NAV2: variants seen among roughly 807,000 people sequenced by gnomAD.
The protein encoded by NAV2 is helicase, APC down-regulated 1.
Under a neutral mutation model 223.2 loss-of-function variants are expected in NAV2, and 54 were observed. The ratio of observed to expected loss-of-function variants is 0.24; its 90% CI spans 0.19 to 0.30. The LOEUF is 0.30. Among genes scored for constraint, NAV2 ranks in the 10% least tolerant of loss-of-function variants. NAV2 has a pLI of 1.00. For synonymous variants in NAV2, 1,279 were observed against 1,239.3 expected, an observed-to-expected ratio of 1.03 and a Z score of -0.67; for missense variants, 2,806 against 3,147.5, an observed-to-expected ratio of 0.89 and a Z score of 2.60.
At chr11:19,714,329 G>A in intron 1 of NAV2, 1 of 506,412 alleles carries the variant, frequency 2.0e-6, no homozygotes, top group South Asian at 1.5e-5. Context: ...AGCAGCAGCT[G>A]TGTGTCTGTC....
chr11:20,046,554 G>A (rs1033246749), intron 14 of NAV2, among the ~76,000 whole-genome samples: 8 of 149,922 alleles, frequency 5.3e-5, no homozygotes, highest in Admixed American at 1.3e-4. Context: ...ACGCTACTCC[G>A]GAATTCCAAG....
intron 1 of NAV2, among the ~76,000 whole-genome samples, chr11:19,427,009 A>G (rs1850857637): frequency 1.3e-5 from 2 of 152,022 alleles, no homozygotes; most frequent in Non-Finnish European, 2.9e-5. Flanking sequence ...AATCCCTGGC[A>G]TGGCACCCTG....
At chr11:19,742,001 C>T (rs942626873) in intron 1 of NAV2, among the ~76,000 whole-genome samples, 3 of 114,674 alleles carry the variant, frequency 2.6e-5, no homozygotes, top group African/African-American at 8.0e-5. Context: ...TCCTTGCCAA[C>T]ACTTGTTATC....
chr11:19,601,425 G>A lies in NAV2; in HGVS notation c.76-231059G>A, dbSNP rs1202084180. ...CTGGACTCAGAGCAGCCCTCTACTT[G>A]GTCCTTTTTGGATGGTGCTCTTGGG... On this transcript the variant is annotated intron_variant, in intron 1 of 37. Transcript: ENST00000360655. Among the ~76,000 whole-genome samples, 4 of 152,090 alleles carry A rather than the reference G, an allele frequency of 2.6e-5. No homozygotes were observed. The East Asian group carries it at 7.7e-4, about 29-fold the overall frequency.
intron 1 of NAV2, among the ~76,000 whole-genome samples, chr11:19,427,785 TA>T (rs1356660628): frequency 6.6e-6 from 1 of 152,212 alleles, no homozygotes; most frequent in East Asian, 1.9e-4. Context: ...ATATCTTCCG[TA>T]CTCAAAAGCC....
chr11:19,887,239 A>T (rs865948373), intron 5 of NAV2, among the ~76,000 whole-genome samples: 2 of 152,110 alleles, frequency 1.3e-5, no homozygotes, highest in African/African-American at 4.8e-5. Context: ...TCACCCTTGA[A>T]TCTGGATGTG....
At chr11:19,977,871 C>T (rs1019897301) in intron 10 of NAV2, among the ~76,000 whole-genome samples, 30 of 142,460 alleles carry the variant, frequency 2.1e-4, no homozygotes, top group Non-Finnish European at 3.6e-4. Context: ...ATGGCACAGT[C>T]TCGGCTCACT....
chr11:19,790,215 A>G (rs759882204), intron 1 of NAV2, among the ~76,000 whole-genome samples: 3 of 152,134 alleles, frequency 2.0e-5, no homozygotes, highest in Non-Finnish European at 4.4e-5. Flanking sequence ...CATGGATTTC[A>G]TGGTCTTCCT....
chr11:19,487,773 T>C (rs1477919388), intron 1 of NAV2, among the ~76,000 whole-genome samples: 1 of 152,148 alleles, frequency 6.6e-6, no homozygotes, highest in Non-Finnish European at 1.5e-5. Context: ...ATGCATCCAC[T>C]TATAATCTCC....
Position 20,107,679 on chromosome 11 carries a change from T to A in NAV2, c.6857T>A (p.Leu2286Gln). 6.2e-7 allele frequency: 1 copy of A among 1,614,084 alleles called. No homozygotes were observed. The highest frequency in any genetic ancestry group is 1.3e-5 in the African/African-American group (1 of 75,046). The change falls in exon 36 of 38, where the codon CTG becomes CAG. Residue 2286 changes from leucine to glutamine, a missense_variant. Leu to Gln is a moderately radical substitution (Grantham distance 113). Around this residue, in one of 4 missense-constraint regions of NAV2, gnomAD observed 824 missense variants for 1,069.4 expected, o/e 0.77. Transcript: ENST00000349880. ...SDVTIGPRLF[L>Q]SCPIDVDGSR... The stretch of plus-strand genomic sequence containing the variant: ...TGGTCTCCAGGCCCCCGGCTCTTCC[T>A]GTCATGCCCCATCGATGTGGACGGC...
chr11:19,575,665 C>T (rs1312924131), intron 1 of NAV2, among the ~76,000 whole-genome samples: 2 of 152,228 alleles, frequency 1.3e-5, no homozygotes, highest in African/African-American at 4.8e-5. Context: ...TTTCTCTTTG[C>T]ACATAAGCCC....
intron 1 of NAV2, among the ~76,000 whole-genome samples, chr11:19,486,483 G>A (rs905700064): frequency 6.6e-6 from 1 of 152,080 alleles, no homozygotes; most frequent in East Asian, 1.9e-4. Flanking sequence ...TCACGGGGGC[G>A]GTTACTCTCA....
At chr11:19,705,726 C>A (rs2049642961) in intron 1 of NAV2, among the ~76,000 whole-genome samples, 2 of 152,060 alleles carry the variant, frequency 1.3e-5, no homozygotes, top group African/African-American at 4.8e-5. Flanking sequence ...AAAATCAAGT[C>A]ACTCCAAGTA....
At chr11:19,671,513 G>A (rs1028978251) in intron 1 of NAV2, among the ~76,000 whole-genome samples, 5 of 152,214 alleles carry the variant, frequency 3.3e-5, no homozygotes, top group East Asian at 1.9e-4. Context: ...CCTGTTTCTC[G>A]TGGTTCCTGT....
At chr11:19,421,764 C>CTTATT (rs1850621401) in intron 1 of NAV2, among the ~76,000 whole-genome samples, 1 of 84,542 alleles carries the variant, frequency 1.2e-5, no homozygotes, top group Non-Finnish European at 2.0e-5. Context: ...AAGAGAGAGG[C>CTTATT]TTTTTTTTTT....
At chr11:19,386,041 G>A (rs1849031606) in intron 1 of NAV2, among the ~76,000 whole-genome samples, 1 of 152,158 alleles carries the variant, frequency 6.6e-6, no homozygotes, top group South Asian at 2.1e-4. Context: ...TGGGATTACA[G>A]GCGTGAGCCA....
intron 1 of NAV2, among the ~76,000 whole-genome samples, chr11:19,609,801 TGAGAGGAAGGTAGAAA>T (rs2046585654): frequency 6.6e-6 from 1 of 152,226 alleles, no homozygotes; most frequent in African/African-American, 2.4e-5. Flanking sequence ...ACTCAAAGCT[TGAGAGGAAGGTAGAAA>T]GAGTTGCTCA....
intron 6 of NAV2, among the ~76,000 whole-genome samples, chr11:19,894,911 G>A (rs1366825145): frequency 2.0e-5 from 3 of 151,752 alleles, no homozygotes; most frequent in African/African-American, 4.8e-5. Context: ...TATATTTTTA[G>A]TAGAGACGGG....
chr11:19,395,371 CAGAGTGCTTGGGATGT>C (rs1849408201), intron 1 of NAV2, among the ~76,000 whole-genome samples: 1 of 152,232 alleles, frequency 6.6e-6, no homozygotes, highest in African/African-American at 2.4e-5. Context: ...CTCCTTTGTG[CAGAGTGCTTGGGATGT>C]AGAGAGGACT....
Sources: allele counts gnomAD v4.1 joint callset (sites outside exome capture counted in the v4.1 genomes callset), GRCh38; gene constraint gnomAD v4.1.1; regional missense constraint gnomAD v4.1.1; transcripts MANE v1.5; gene names NCBI Gene and HGNC (gene_info 2026-07-23, HGNC 2026-07-21).